The following AANAT variants were observed in gnomAD, a reference collection of about 807,000 sequenced individuals.
The protein encoded by AANAT is aralkylamine N-acetyltransferase, also known as serotonin N-acetyltransferase.
In AANAT, 11 loss-of-function variants were observed where a neutral mutation model predicts 15.6. That is an observed-to-expected ratio of 0.71 (90% CI 0.44 to 1.17). The LOEUF (loss-of-function observed/expected upper bound fraction) is 1.17. AANAT is among the 50% of genes most tolerant of loss of function. The pLI, the probability that AANAT is intolerant of heterozygous loss-of-function variation, is 0.00. For synonymous variants in AANAT, 139 were observed against 131.5 expected, an observed-to-expected ratio of 1.06 and a Z score of -0.39; for missense variants, 286 against 296.3, an observed-to-expected ratio of 0.97 and a Z score of 0.26.
rs1050730341 is a variant in AANAT at position 76,467,622 on chromosome 17, C to T, written c.-181C>T. The T allele has an allele frequency of 5.1e-6, 5 of 985,432 alleles. No homozygotes were observed. The African/African-American group carries it at 8.7e-5, about 17-fold the overall frequency. The allele number at this position is 985,432 out of a possible 1,614,324, so 61.0% of individuals were successfully genotyped here. A position where few individuals can be genotyped will look rare whatever the true frequency, so the allele number is the denominator to read the frequency against. The stretch of plus-strand genomic sequence containing the variant: ...CCCGGGGAACATCTGCTACTACAGC[C>T]TTGCAGCCCGGAGTCCCGGATTTTA... On this transcript the variant is annotated 5_prime_UTR_variant, in exon 1 of 4. Coordinates refer to ENST00000392492, the MANE Select transcript of AANAT (RefSeq NM_001088.3).
At position 76,455,249 on chromosome 17, in the gene AANAT, C is replaced by A. The variant is rs576357130; in HGVS notation, c.-576+1467C>A. ...GGTGGATCAGTTGAGGTCAGGAGTTCAAAACTAGCCTGGCCAACATGGCAA... is the reference window on the plus strand; with the variant it reads ...GGTGGATCAGTTGAGGTCAGGAGTTAAAAACTAGCCTGGCCAACATGGCAA... On this transcript the variant is annotated intron_variant, in intron 1 of 6. Transcript: ENST00000250615. Among the ~76,000 whole-genome samples, 12 of 152,274 alleles carry A rather than the reference C, an allele frequency of 7.9e-5. 1 individual carries two copies. The highest frequency in any genetic ancestry group is 2.9e-4 in the African/African-American group (12 of 41,546).
At chr17:76,466,474 G>A (rs1453409697), upstream of AANAT, among the ~76,000 whole-genome samples, 1 of 152,180 alleles carries the variant, frequency 6.6e-6, no homozygotes, top group Admixed American at 6.5e-5. Flanking sequence ...CGTATGGGTA[G>A]GAACAGGAGC....
upstream of AANAT, among the ~76,000 whole-genome samples, chr17:76,463,464 C>T (rs530234361): frequency 3.4e-4 from 51 of 152,048 alleles, no homozygotes; most frequent in Middle Eastern, 6.8e-3. Flanking sequence ...CCCACCACCA[C>T]GCCCAGATCA....
intron 1 of AANAT, chr17:76,453,902 G>A (rs1281929988): frequency 6.6e-6 from 1 of 152,194 alleles, no homozygotes; most frequent in Non-Finnish European, 1.5e-5. Context: ...TAAGAGTGGG[G>A]ACCACGGATT....
chr17:76,463,434 A>T (rs1368174243), upstream of AANAT, among the ~76,000 whole-genome samples: 1 of 149,768 alleles, frequency 6.7e-6, no homozygotes, highest in African/African-American at 2.5e-5. Flanking sequence ...CAGCCTCCCG[A>T]GTAGCTGGGA....
intron 2 of AANAT, 41 bp downstream of exon 2, chr17:76,468,950 G>C: frequency 6.3e-7 from 1 of 1,588,914 alleles, no homozygotes; most frequent in Non-Finnish European, 8.6e-7. Context: ...GCTCCACTCT[G>C]GTCCAGTTAT....
chr17:76,458,928 G>T (rs1449303781), intron 1 of AANAT, among the ~76,000 whole-genome samples: 1 of 146,026 alleles, frequency 6.8e-6, no homozygotes, highest in Non-Finnish European at 1.5e-5. Context: ...CATGTGGCTG[G>T]CTGAAGAAAT....
exon 3 of AANAT, chr17:76,462,395 A>T (rs1567864549): frequency 6.6e-6 from 1 of 152,244 alleles, no homozygotes; most frequent in Non-Finnish European, 1.5e-5. Context: ...AGTGGGCAGG[A>T]CTGCTGACGG....
chr17:76,467,333 G>A (rs979461488), upstream of AANAT, among the ~76,000 whole-genome samples: 5 of 152,194 alleles, frequency 3.3e-5, no homozygotes, highest in Non-Finnish European at 5.9e-5. Context: ...GGGACAGAGG[G>A]AGAATCGCTG....
intron 1 of AANAT, among the ~76,000 whole-genome samples, chr17:76,458,453 T>C (rs762063094): frequency 2.0e-5 from 3 of 152,148 alleles, no homozygotes; most frequent in Non-Finnish European, 4.4e-5. Context: ...GAAAAAAACT[T>C]GATTCCCTAA....
chr17:76,461,975 G>A (rs1015091133), intron 2 of AANAT, among the ~76,000 whole-genome samples: 4 of 152,188 alleles, frequency 2.6e-5, no homozygotes, highest in Admixed American at 6.5e-5. Flanking sequence ...GGGGAGAAGC[G>A]GGAGCCATCC....
chr17:76,466,441 C>T (rs986695944), upstream of AANAT, among the ~76,000 whole-genome samples: 6 of 152,126 alleles, frequency 3.9e-5, no homozygotes, highest in East Asian at 1.9e-4. Context: ...GGTCACTCCA[C>T]GGTCAGGGGC....
At chr17:76,465,949 A>G, upstream of AANAT, 1 of 547,258 alleles carries the variant, frequency 1.8e-6, no homozygotes, top group Non-Finnish European at 3.4e-6. Context: ...TCTCCGGCTC[A>G]AGCCATCCTC....
chr17:76,454,592 A>G (rs1327720615), intron 1 of AANAT, among the ~76,000 whole-genome samples: 1 of 150,080 alleles, frequency 6.7e-6, no homozygotes, highest in East Asian at 2.0e-4. Context: ...AAGCAGATGG[A>G]TCACCTGATC....
Position 76,469,816 on chromosome 17 carries a change from C to T in AANAT, c.470C>T (p.Ala157Val), listed in dbSNP as rs745917967. 1.7e-4 allele frequency: 269 copies of T among 1,604,172 alleles called. No individual in the cohort carries two copies. Among genetic ancestry groups the T allele is most frequent in the Non-Finnish European group, 2.2e-4 (256 of 1,176,578 alleles). ...AGCCAGCCGGCCGTGCGCCGGGCCG[C>T]GCTCATGTGCGAGGACGCGCTGGTA... ...LGSQPAVRRA[A>V]LMCEDALVPF... Residue 157 changes from alanine to valine, a missense_variant, in exon 4 of 4, where the codon GCG becomes GTG. Transcript: ENST00000392492. This position sits in a 1 kb window ranked among gnomAD's most constrained non-coding sequence, Gnocchi z 5.2.
upstream of AANAT, chr17:76,466,133 TC>T (rs1461294563): frequency 6.6e-7 from 1 of 1,520,762 alleles, no homozygotes; most frequent in South Asian, 1.2e-5. Flanking sequence ...TTCTCAGGCA[TC>T]GCCAAGTGAC....
At chr17:76,456,850 C>T (rs2073347610) in intron 1 of AANAT, among the ~76,000 whole-genome samples, 1 of 152,060 alleles carries the variant, frequency 6.6e-6, no homozygotes. Flanking sequence ...CTCATTTTAC[C>T]AATGAAGAAA....
intron 1 of AANAT, among the ~76,000 whole-genome samples, chr17:76,457,500 C>T (rs1282711366): frequency 6.6e-6 from 1 of 152,162 alleles, no homozygotes; most frequent in Non-Finnish European, 1.5e-5. Flanking sequence ...TATTCTGCGG[C>T]TTCTTGTAAT....
At chr17:76,460,778 G>A (rs1057395428) in intron 2 of AANAT, among the ~76,000 whole-genome samples, 1 of 152,114 alleles carries the variant, frequency 6.6e-6, no homozygotes, top group African/African-American at 2.4e-5. Context: ...GGTCTGGAAG[G>A]TTCCTGAGGT....
Sources: allele counts gnomAD v4.1 joint callset (sites outside exome capture counted in the v4.1 genomes callset), GRCh38; gene constraint gnomAD v4.1.1; non-coding constraint Gnocchi (gnomAD v3.1); transcripts MANE v1.5; gene names NCBI Gene and HGNC (gene_info 2026-07-23, HGNC 2026-07-21).